Variants in GPHN observed in about 807,000 individuals in gnomAD.
GPHN encodes gephyrin.
GPHN carries 17 observed loss-of-function variants against 95.5 expected under a neutral mutation model. The ratio of observed to expected loss-of-function variants is 0.18; its 90% CI spans 0.12 to 0.27. The LOEUF is 0.27. GPHN is among the 10% of genes least tolerant of loss of function. GPHN has a pLI of 1.00. For missense variants in GPHN, 660 were observed against 978.1 expected (o/e 0.67, Z 4.34); for synonymous variants, 320 against 322.5 (o/e 0.99, Z 0.08).
chr14:67,190,227 CTTTT>C, the GPHN span, among the ~76,000 whole-genome samples: 1 of 123,540 alleles, frequency 8.1e-6, no homozygotes, highest in Non-Finnish European at 1.8e-5. Context: ...TTGTTCTTTT[CTTTT>C]TTTTTTTTTT....
chr14:66,882,253 A>C (rs1482540170), intron 5 of GPHN, among the ~76,000 whole-genome samples: 1 of 151,824 alleles, frequency 6.6e-6, no homozygotes, highest in Non-Finnish European at 1.5e-5. Flanking sequence ...ATTCTGACAC[A>C]TAGTAAGTAC....
intron 8 of GPHN, among the ~76,000 whole-genome samples, chr14:66,952,480 G>C (rs1446695811): frequency 1.1e-4 from 16 of 152,090 alleles, no homozygotes. Flanking sequence ...TAAAATAATG[G>C]TGTTATGCAC....
the GPHN span, among the ~76,000 whole-genome samples, chr14:67,314,495 G>C: frequency 6.6e-6 from 1 of 152,188 alleles, no homozygotes; most frequent in Non-Finnish European, 1.5e-5. Flanking sequence ...ATTTATTTTA[G>C]AGTATGATGC....
intron 4 of GPHN, among the ~76,000 whole-genome samples, chr14:66,843,050 G>C (rs1307798820): frequency 1.3e-5 from 2 of 151,742 alleles, no homozygotes; most frequent in Non-Finnish European, 2.9e-5. Context: ...CCTCTGCTGA[G>C]AGCTTGCTAT....
the GPHN span, among the ~76,000 whole-genome samples, chr14:67,543,027 A>T: frequency 2.6e-5 from 4 of 152,190 alleles, no homozygotes; most frequent in African/African-American, 9.7e-5. Flanking sequence ...TACATTCTAA[A>T]CTGCTAACTT....
intron 4 of GPHN, among the ~76,000 whole-genome samples, chr14:66,858,523 A>G (rs1416250115): frequency 2.0e-5 from 3 of 151,720 alleles, no homozygotes; most frequent in Non-Finnish European, 4.4e-5. Context: ...AGTGATACCC[A>G]TATAGTATGC....
At chr14:67,702,718 G>T in the GPHN span, among the ~76,000 whole-genome samples, 1 of 152,236 alleles carries the variant, frequency 6.6e-6, no homozygotes, top group African/African-American at 2.4e-5. Context: ...AGTCAATTGG[G>T]TATCATGTAG....
the GPHN span, among the ~76,000 whole-genome samples, chr14:67,274,355 C>T: frequency 1.1e-4 from 16 of 152,310 alleles, no homozygotes; most frequent in African/African-American, 3.8e-4. Flanking sequence ...AGCCAGTTTT[C>T]CCAGCACCAT....
the GPHN span, chr14:67,198,185 T>C: frequency 2.5e-6 from 4 of 1,613,542 alleles, no homozygotes; most frequent in Non-Finnish European, 3.4e-6. Context: ...CCAGCAAGAC[T>C]ACCATGAGGA....
intron 17 of GPHN, among the ~76,000 whole-genome samples, chr14:67,141,040 C>T (rs2080427399): frequency 6.6e-6 from 1 of 151,976 alleles, no homozygotes; most frequent in African/African-American, 2.4e-5. Context: ...AATACCTGGG[C>T]ACTTTTTTGG....
the GPHN span, among the ~76,000 whole-genome samples, chr14:67,720,159 T>G: frequency 1.3e-5 from 2 of 152,252 alleles, no homozygotes; most frequent in African/African-American, 4.8e-5. Context: ...AATTTTAATT[T>G]GCATCTCTCA....
chr14:66,518,013 T>C (rs2058320076), intron 1 of GPHN, among the ~76,000 whole-genome samples: 1 of 151,704 alleles, frequency 6.6e-6, no homozygotes. Flanking sequence ...GCCTATAGAA[T>C]GGGAGAAAAT....
intron 18 of GPHN, among the ~76,000 whole-genome samples, chr14:67,151,344 A>G (rs896811571): frequency 6.6e-6 from 1 of 152,252 alleles, no homozygotes; most frequent in Non-Finnish European, 1.5e-5. Flanking sequence ...AGAATGGACA[A>G]TAAGAGAAAT....
chr14:67,005,033 G>A (rs562948549), intron 9 of GPHN, among the ~76,000 whole-genome samples: 2 of 151,394 alleles, frequency 1.3e-5, no homozygotes, highest in Admixed American at 6.6e-5. Flanking sequence ...AAGCATTATA[G>A]GTCAGAATGA....
chr14:67,437,953 T>C, the GPHN span, among the ~76,000 whole-genome samples: 2 of 152,124 alleles, frequency 1.3e-5, no homozygotes, highest in Non-Finnish European at 2.9e-5. Context: ...CATTTTTATA[T>C]GTGGTTAAAC....
the GPHN span, chr14:67,727,377 G>T: frequency 1.4e-5 from 8 of 588,854 alleles, no homozygotes; most frequent in African/African-American, 7.5e-5. Flanking sequence ...TCAAATAGGG[G>T]TTAAGAACCT....
At chr14:66,676,355 A>G (rs2153389693) in intron 1 of GPHN, among the ~76,000 whole-genome samples, 2 of 152,222 alleles carry the variant, frequency 1.3e-5, no homozygotes, top group South Asian at 4.1e-4. Flanking sequence ...TCTTAAATAC[A>G]AGTTGTAAAA....
intron 16 of GPHN, among the ~76,000 whole-genome samples, chr14:67,116,018 T>C (rs1294335401): frequency 6.6e-6 from 1 of 152,006 alleles, no homozygotes; most frequent in Non-Finnish European, 1.5e-5. Flanking sequence ...AAAATTTAGA[T>C]ATGCAACCTG....
chr14:67,028,383 A>G (rs568475096), intron 10 of GPHN, among the ~76,000 whole-genome samples: 96 of 152,326 alleles, frequency 6.3e-4, no homozygotes, highest in African/African-American at 2.3e-3. Flanking sequence ...ATATATACCA[A>G]TATAGCAGAA....
Sources: gnomAD v4.1 joint callset for allele counts (sites outside exome capture counted in the v4.1 genomes callset) on GRCh38, gnomAD v4.1.1 for gene constraint, MANE v1.5 for transcripts, NCBI Gene and HGNC (gene_info 2026-07-23, HGNC 2026-07-21) for gene names.